The following VPS50 variants were observed in gnomAD, a reference collection of about 807,000 sequenced individuals.
The protein encoded by VPS50 is VPS50 subunit of EARP/GARPII complex, also known as syndetin.
A neutral mutation model predicts 139.7 loss-of-function variants in VPS50; 70 were observed. The observed-to-expected ratio is 0.50, with a 90% CI of 0.41 to 0.61. The LOEUF is 0.61. Ranked by LOEUF, VPS50 falls within the 20% of genes least tolerant of loss-of-function variation. The pLI, the probability that VPS50 is intolerant of heterozygous loss-of-function variation, is 0.00. For missense variants in VPS50, 921 were observed against 1,133.7 expected, an observed-to-expected ratio of 0.81 and a Z score of 2.69; for synonymous variants, 365 against 376.7, an observed-to-expected ratio of 0.97 and a Z score of 0.36.
At chr7:93,264,454 T>C (rs1795779166) in intron 9 of VPS50, among the ~76,000 whole-genome samples, 1 of 152,228 alleles carries the variant, frequency 6.6e-6, no homozygotes, top group South Asian at 2.1e-4. Flanking sequence ...TCAAAACTGC[T>C]TTATTATTGT....
chr7:93,342,943 AAC>A (rs1437927246), intron 23 of VPS50, among the ~76,000 whole-genome samples: 5 of 152,366 alleles, frequency 3.3e-5, no homozygotes, highest in African/African-American at 9.6e-5. Context: ...CCTCCAAAGG[AAC>A]ACAGTTCCTC....
chr7:93,356,061 G>T lies in VPS50; in HGVS notation c.2756G>T (p.Arg919Leu). ...TACCTAACTGAGAATGACATGGAAC[G>T]GTGGATCAAAGAGCACAGGGTGAGA... is the stretch of plus-strand genomic sequence containing the variant. ...AYYLTENDME[R>L]WIKEHREYST... The change falls in exon 27 of 28, where the codon CGG (arginine) becomes CTG (leucine). Residue 919 changes from arginine (R) to leucine (L), a missense_variant. By Grantham distance (102) the Arg-to-Leu change is moderately radical (BLOSUM62 -2). Transcript: ENST00000305866. The T allele has an allele frequency of 6.6e-7, 1 of 1,507,960 alleles. No homozygotes were observed. Among genetic ancestry groups the T allele is most frequent in the South Asian group, 1.3e-5 (1 of 75,438 alleles). 93.4% of individuals were successfully genotyped at this position (1,507,960 alleles called of 1,614,324 possible).
intron 20 of VPS50, among the ~76,000 whole-genome samples, chr7:93,313,435 A>C (rs751291238): frequency 7.2e-5 from 11 of 152,200 alleles, no homozygotes; most frequent in Non-Finnish European, 1.6e-4. Context: ...TTTCATTATA[A>C]TCAAATAAAA....
intron 21 of VPS50, among the ~76,000 whole-genome samples, chr7:93,329,803 G>A (rs748680581): frequency 3.3e-5 from 5 of 152,056 alleles, no homozygotes; most frequent in African/African-American, 9.7e-5. Context: ...CAGTAAAAAC[G>A]TCATTCGAGA....
intron 2 of VPS50, among the ~76,000 whole-genome samples, chr7:93,247,244 C>T (rs1162839622): frequency 6.6e-6 from 1 of 151,730 alleles, no homozygotes; most frequent in Non-Finnish European, 1.5e-5. Context: ...TATAGCCTAA[C>T]CTGAGGCAGT....
At position 93,295,164 on chromosome 7, in the gene VPS50, T is replaced by A. The variant is rs557970462; in HGVS notation, c.1167+528T>A. Among the ~76,000 whole-genome samples, 179 of 152,342 alleles carry A rather than the reference T, an allele frequency of 1.2e-3. 1 individual carries two copies. The highest frequency in any genetic ancestry group is 4.1e-3 in the African/African-American group (170 of 41,594). ...TTTGGGCTCCTATAACAAAATATTC[T>A]AGACTGCATAGTTTATAAACAGAGA... is the stretch of plus-strand genomic sequence containing the variant. On this transcript the variant is annotated intron_variant, in intron 14 of 27. Coordinates refer to ENST00000305866, the MANE Select transcript of VPS50 (RefSeq NM_017667.4).
Position 93,356,514 on chromosome 7 carries a change from C to T in VPS50, c.2775+434C>T, listed in dbSNP as rs1378017544. On this transcript the variant is annotated intron_variant, in intron 27 of 27. Transcript: ENST00000305866. ...CTCCTCAACGATGAAATGGTAACAT[C>T]CTACACACTGACACGTATTAGTGAT... 2.0e-5 allele frequency among the ~76,000 whole-genome samples: 3 copies of T among 152,242 alleles called. No individual in the cohort carries two copies. In the East Asian group the frequency reaches 5.8e-4, roughly 29 times the overall value.
At position 93,361,064 on chromosome 7, in the gene VPS50, T is replaced by C. The variant is rs994604688; in HGVS notation, c.*2628T>C. ...AACTCACCAAAAAGTAGTAAAAGGC[T>C]TGTAATTCAATTCACCTTGTAAGCA... On this transcript the variant is annotated 3_prime_UTR_variant, in exon 28 of 28. Coordinates refer to ENST00000305866, the MANE Select transcript of VPS50 (RefSeq NM_017667.4). 1 of 151,862 alleles carries C rather than the reference T, an allele frequency of 6.6e-6. No individual in the cohort carries two copies. Among genetic ancestry groups the C allele is most frequent in the Admixed American group, 6.6e-5 (1 of 15,204 alleles). The allele number at this position is 151,862 out of a possible 1,614,324, so 9.4% of individuals were successfully genotyped here.
chr7:93,291,360 G>A (rs1796642699), intron 12 of VPS50, among the ~76,000 whole-genome samples: 1 of 151,968 alleles, frequency 6.6e-6, no homozygotes, highest in East Asian at 1.9e-4. Flanking sequence ...AGCTGTATTT[G>A]CATGTTTAGG....
At chr7:93,322,731 G>A (rs189279451) in intron 20 of VPS50, among the ~76,000 whole-genome samples, 3 of 151,894 alleles carry the variant, frequency 2.0e-5, no homozygotes, top group Non-Finnish European at 4.4e-5. Flanking sequence ...TTCTGTAGAA[G>A]AAAGTATAGA....
intron 2 of VPS50, among the ~76,000 whole-genome samples, chr7:93,248,286 A>G (rs1383593856): frequency 6.6e-6 from 1 of 151,794 alleles, no homozygotes; most frequent in Non-Finnish European, 1.5e-5. Context: ...TAATTTTTTT[A>G]TAGGAAACTT....
At chr7:93,286,957 A>G (rs1796504084) in intron 12 of VPS50, among the ~76,000 whole-genome samples, 1 of 151,084 alleles carries the variant, frequency 6.6e-6, no homozygotes, top group Admixed American at 6.6e-5. Context: ...ACCTTCAGAG[A>G]TTAACATAGC....
At chr7:93,294,260 C>T (rs1159911558) in intron 13 of VPS50, among the ~76,000 whole-genome samples, 9 of 152,100 alleles carry the variant, frequency 5.9e-5, no homozygotes, top group African/African-American at 2.2e-4. Flanking sequence ...TATTGAGAAC[C>T]TGGTCTCTGG....
At chr7:93,289,050 G>C (rs1796574446) in intron 12 of VPS50, among the ~76,000 whole-genome samples, 1 of 152,036 alleles carries the variant, frequency 6.6e-6, no homozygotes, top group Non-Finnish European at 1.5e-5. Flanking sequence ...TCATCCTAGG[G>C]ATGTGGCTTG....
chr7:93,352,794 AAAAG>A (rs1412579359), intron 25 of VPS50, among the ~76,000 whole-genome samples: 1 of 152,088 alleles, frequency 6.6e-6, no homozygotes, highest in Non-Finnish European at 1.5e-5. Context: ...ATCATGTCAT[AAAAG>A]ACAATAAAAA....
intron 13 of VPS50, among the ~76,000 whole-genome samples, chr7:93,293,479 A>G (rs1796708993): frequency 6.6e-6 from 1 of 152,162 alleles, no homozygotes; most frequent in African/African-American, 2.4e-5. Context: ...TGTATATTTT[A>G]TGGATATTCA....
chr7:93,357,864 A>AT (rs966449010), intron 27 of VPS50, among the ~76,000 whole-genome samples: 1 of 152,254 alleles, frequency 6.6e-6, no homozygotes, highest in Non-Finnish European at 1.5e-5. Flanking sequence ...GTATCTTAGA[A>AT]GAGTTGTTCT....
intron 23 of VPS50, among the ~76,000 whole-genome samples, chr7:93,342,287 C>T (rs528595503): frequency 1.3e-5 from 2 of 152,344 alleles, no homozygotes; most frequent in South Asian, 4.1e-4. Context: ...AAAAACGGTG[C>T]ATCAGGAGAT....
At chr7:93,290,748 T>C (rs1796625485) in intron 12 of VPS50, among the ~76,000 whole-genome samples, 1 of 152,032 alleles carries the variant, frequency 6.6e-6, no homozygotes, top group Non-Finnish European at 1.5e-5. Flanking sequence ...CTAGTATTTT[T>C]ATTACTTGCC....
Sources: gnomAD v4.1 joint callset for allele counts (sites outside exome capture counted in the v4.1 genomes callset) on GRCh38, gnomAD v4.1.1 for gene constraint, MANE v1.5 for transcripts, NCBI Gene and HGNC (gene_info 2026-07-23, HGNC 2026-07-21) for gene names.